ZNF836: variants seen among roughly 807,000 people sequenced by gnomAD.
ZNF836 encodes zinc finger protein 836.
Under a neutral mutation model 7.4 loss-of-function variants are expected in ZNF836, and 12 were observed. The observed-to-expected ratio is 1.61, with a 90% CI of 1.03 to 2.61. The LOEUF (loss-of-function observed/expected upper bound fraction) is 2.61, where lower values mean the gene tolerates loss of function less well. ZNF836 is among the 30% of genes most tolerant of loss of function. The pLI is 0.00. For missense variants in ZNF836, 998 were observed against 1,126.2 expected, an observed-to-expected ratio of 0.89 and a Z score of 1.63; for synonymous variants, 365 against 382.6, an observed-to-expected ratio of 0.95 and a Z score of 0.54.
intron 3 of ZNF836, among the ~76,000 whole-genome samples, chr19:52,166,116 C>T (rs2089261416): frequency 6.6e-6 from 1 of 152,048 alleles, no homozygotes; most frequent in Non-Finnish European, 1.5e-5. Context: ...CTCAGCCTCC[C>T]GAGTAGCTGG....
chr19:52,158,736 C>G (rs1226308116), intron 4 of ZNF836, among the ~76,000 whole-genome samples: 2 of 152,080 alleles, frequency 1.3e-5, no homozygotes, highest in Admixed American at 6.6e-5. Flanking sequence ...GAGCAAGACT[C>G]TGTCTCGGAA....
chr19:52,160,566 G>T lies in ZNF836; in HGVS notation c.41C>A (p.Ala14Asp). ...CCACTCCTCCTGAGAGAATTCTATG[G>T]CTACATCCCTGAATGTCAAAGGTCC... Reference protein sequence around the residue: ...TQGPLTFRDVAIEFSQEEWKS... With the variant: ...TQGPLTFRDVDIEFSQEEWKS... The change falls in exon 4 of 5, where the codon GCC becomes GAC. Residue 14 changes from alanine to aspartate, a missense_variant. Transcript: ENST00000682614. The T allele has an allele frequency of 6.2e-7, 1 of 1,612,144 alleles. No individual in the cohort carries two copies. The highest frequency in any genetic ancestry group is 1.3e-5 in the African/African-American group (1 of 74,910).
At chr19:52,166,661 C>G (rs993786964) in intron 3 of ZNF836, among the ~76,000 whole-genome samples, 1 of 150,980 alleles carries the variant, frequency 6.6e-6, no homozygotes, top group Non-Finnish European at 1.5e-5. Flanking sequence ...GCAAGCTCCA[C>G]CTCCTGGGTT....
chr19:52,156,816 A>C lies in ZNF836; in HGVS notation c.867T>G (p.Leu289=). 6.2e-7 allele frequency: 1 copy of C among 1,614,200 alleles called. No individual in the cohort carries two copies. The highest frequency in any genetic ancestry group is 1.3e-5 in the African/African-American group (1 of 75,064). ...CGKIFRQNSD[L]VNHRRSHTGE... ...CAGTGTGACTTCTCCGGTGATTTAC[A>C]AGATCTGAATTTTGTCTGAAGATCT... The change falls in exon 5 of 5, where the codon CTT becomes CTG. Residue 289 remains leucine (L), a synonymous_variant. Transcript: ENST00000682614.
chr19:52,159,403 A>C (rs1490971002), intron 4 of ZNF836, among the ~76,000 whole-genome samples: 1 of 152,220 alleles, frequency 6.6e-6, no homozygotes, highest in African/African-American at 2.4e-5. Context: ...TTACGAAGAA[A>C]GTAAGACATG....
rs772838990 is a variant in ZNF836 at position 52,156,030 on chromosome 19, C to T, written c.1653G>A (p.Glu551=). 4 of 1,613,932 alleles carry T rather than the reference C, an allele frequency of 2.5e-6. No homozygotes were observed. Among genetic ancestry groups the T allele is most frequent in the African/African-American group, 1.3e-5 (1 of 74,940 alleles). The change falls in exon 5 of 5, where the codon GAG becomes GAA. Residue 551 remains glutamate, a synonymous_variant. Transcript: ENST00000682614. The part of the protein sequence containing the change: ...LVRHLRIHTG[E]QPYKCNVCGK... ...CACACACATTACATTTGTAAGGTTG[C>T]TCCCCAGTATGAATTCTTAAATGTC...
chr19:52,168,029 A>G lies in ZNF836; in HGVS notation c.15+29T>C, dbSNP rs968316341. On this transcript the variant is annotated intron_variant, in intron 3 of 4. Coordinates refer to ENST00000682614, the MANE Select transcript of ZNF836 (RefSeq NM_001102657.3). ...GTCGCATTTCAAAAAGGAAGGAGAC[A>G]GAATGATCCACTAAGAATATCATTT... 6.5e-6 allele frequency: 10 copies of G among 1,528,096 alleles called. No homozygotes were observed. In the African/African-American group the frequency reaches 8.2e-5, roughly 13 times the overall value. The allele number at this position is 1,528,096 out of a possible 1,614,324, so 94.7% of individuals were successfully genotyped here. A position where few individuals can be genotyped will look rare whatever the true frequency, so the allele number is the denominator to read the frequency against.
In ZNF836 at chr19:52,155,538, A is replaced by G. The variant is rs2089146003; in HGVS notation, c.2145T>C (p.Asn715=). ...ATTTGTGTGGTTTCTCCCCAGTAGG[A>G]TTTCTGTGATATCTTGCAAGTTTTG... ...QSSKLARYHR[N]PTGEKPHKCS... Residue 715 remains asparagine (N), a synonymous_variant, in exon 5 of 5, where the codon AAT becomes AAC. Transcript: ENST00000682614. 6.2e-7 allele frequency: 1 copy of G among 1,613,758 alleles called. No homozygotes were observed. The highest frequency in any genetic ancestry group is 1.7e-5 in the Admixed American group (1 of 59,990).
At position 52,157,138 on chromosome 19, in the gene ZNF836, C is replaced by A. The variant is rs368447950; in HGVS notation, c.545G>T (p.Arg182Ile). Residue 182 changes from arginine (R) to isoleucine (I), a missense_variant, in exon 5 of 5, where the codon AGA (arginine) becomes ATA (isoleucine). By Grantham distance (97) the Arg-to-Ile change is moderately conservative. Transcript: ENST00000682614. Reference sequence around the variant, plus strand: ...GTTGGTTTGGACACTAGGAAGAATTCTTTGAAGTGGTGAAACTAGGGAACT... The same window carrying A: ...GTTGGTTTGGACACTAGGAAGAATTATTTGAAGTGGTGAAACTAGGGAACT... Reference protein sequence around the residue: ...NNSSLVSPLQRILPSVQTNIS... With the variant: ...NNSSLVSPLQIILPSVQTNIS... 4 of 1,613,098 alleles carry A rather than the reference C, an allele frequency of 2.5e-6. No individual in the cohort carries two copies. The highest frequency in any genetic ancestry group is 2.2e-5 in the South Asian group (2 of 91,054).
chr19:52,157,723 A>G (rs1384271334), intron 4 of ZNF836, among the ~76,000 whole-genome samples, 183 bp from the exon 5 acceptor site: 1 of 151,534 alleles, frequency 6.6e-6, no homozygotes, highest in Non-Finnish European at 1.5e-5. Flanking sequence ...GGCACACATC[A>G]CCACACCTGG....
Position 52,155,527 on chromosome 19 carries a change from T to C in ZNF836, c.2156A>G (p.Glu719Gly). ...LARYHRNPTG[E>G]KPHKCSHCGR... ...ACAATGGCTACATTTGTGTGGTTTC[T>C]CCCCAGTAGGATTTCTGTGATATCT... The change falls in exon 5 of 5, where the codon GAG becomes GGG. Residue 719 changes from glutamate to glycine, a missense_variant. Glu to Gly is a moderately conservative substitution (Grantham distance 98). Transcript: ENST00000682614. The C allele has an allele frequency of 6.2e-7, 1 of 1,614,018 alleles. No homozygotes were observed. Among genetic ancestry groups the C allele is most frequent in the Non-Finnish European group, 8.5e-7 (1 of 1,179,888 alleles).
At position 52,157,018 on chromosome 19, in the gene ZNF836, C is replaced by T. The variant is rs756123023; in HGVS notation, c.665G>A (p.Gly222Glu). The T allele has an allele frequency of 8.7e-6, 14 of 1,613,964 alleles. No homozygotes were observed. In the African/African-American group the frequency reaches 1.6e-4, roughly 18 times the overall value. The change falls in exon 5 of 5, where the codon GGG becomes GAG. Residue 222 changes from glycine to glutamate, a missense_variant. Gly to Glu is a moderately conservative substitution (Grantham distance 98, BLOSUM62 -2). Transcript: ENST00000682614. ...HIREKPYMCK[G>E]CGKAFRVSSS... ...AGACACTCTAAAGGCTTTGCCACAC[C>T]CTTTACACATATAAGGTTTTTCCCT...
chr19:52,156,026 G>T lies in ZNF836; in HGVS notation c.1657C>A (p.Pro553Thr). The change falls in exon 5 of 5, where the codon CCT becomes ACT. Residue 553 changes from proline (P) to threonine (T), a missense_variant. By Grantham distance (38) the Pro-to-Thr change is conservative. Coordinates refer to ENST00000682614, the MANE Select transcript of ZNF836 (RefSeq NM_001102657.3). ...TTGCCACACACATTACATTTGTAAGGTTGCTCCCCAGTATGAATTCTTAAA... is the reference window on the plus strand; with the variant it reads ...TTGCCACACACATTACATTTGTAAGTTTGCTCCCCAGTATGAATTCTTAAA... ...RHLRIHTGEQ[P>T]YKCNVCGKVF... 1 of 1,614,034 alleles carries T rather than the reference G, an allele frequency of 6.2e-7. No homozygotes were observed. The highest frequency in any genetic ancestry group is 1.1e-5 in the South Asian group (1 of 91,076).
chr19:52,165,612 G>C (rs914711784), intron 3 of ZNF836, among the ~76,000 whole-genome samples: 31 of 152,292 alleles, frequency 2.0e-4, no homozygotes, highest in African/African-American at 6.5e-4. Flanking sequence ...TGGATGATGT[G>C]ATAGGGAAAG....
chr19:52,163,714 G>C (rs929582519), intron 3 of ZNF836, among the ~76,000 whole-genome samples: 1 of 152,080 alleles, frequency 6.6e-6, no homozygotes, highest in Non-Finnish European at 1.5e-5. Context: ...GAAAGGTTAG[G>C]GGCCACTGAG....
At chr19:52,158,992 C>T (rs755802999) in intron 4 of ZNF836, among the ~76,000 whole-genome samples, 3 of 152,094 alleles carry the variant, frequency 2.0e-5, no homozygotes, top group South Asian at 2.1e-4. Flanking sequence ...GCTTTTTGCA[C>T]GGCAATCCTT....
At position 52,155,554 on chromosome 19, in the gene ZNF836, G is replaced by T; in HGVS notation, c.2129C>A (p.Ala710Glu). The T allele has an allele frequency of 1.9e-6, 3 of 1,613,860 alleles. No homozygotes were observed. Among genetic ancestry groups the T allele is most frequent in the South Asian group, 1.1e-5 (1 of 91,064 alleles). The change falls in exon 5 of 5, where the codon GCA becomes GAA. Residue 710 changes from alanine to glutamate, a missense_variant. By Grantham distance (107) the Ala-to-Glu change is moderately radical (BLOSUM62 -1). Transcript: ENST00000682614. ...GGAFIQSSKL[A>E]RYHRNPTGEK... ...CCCAGTAGGATTTCTGTGATATCTT[G>T]CAAGTTTTGAACTTTGGATAAATGC...
At chr19:52,166,916 T>A (rs1037182884) in intron 3 of ZNF836, among the ~76,000 whole-genome samples, 10 of 151,760 alleles carry the variant, frequency 6.6e-5, no homozygotes, top group Non-Finnish European at 1.3e-4. Flanking sequence ...CATCTCTGCT[T>A]GGACTTTTAC....
intron 3 of ZNF836, among the ~76,000 whole-genome samples, chr19:52,167,524 C>T (rs1460929304): frequency 6.8e-6 from 1 of 148,068 alleles, no homozygotes; most frequent in Non-Finnish European, 1.5e-5. Context: ...CACCCTCTAT[C>T]ACTGACGTGT....
Sources: allele counts gnomAD v4.1 joint callset (sites outside exome capture counted in the v4.1 genomes callset), GRCh38; gene constraint gnomAD v4.1.1; transcripts MANE v1.5; gene names NCBI Gene and HGNC (gene_info 2026-07-23, HGNC 2026-07-21).